PSMD14: variants seen among roughly 807,000 people sequenced by gnomAD.
The protein encoded by PSMD14 is ubiquitin C-terminal hydrolase PSMD14.
Under a neutral mutation model 41.2 loss-of-function variants are expected in PSMD14, and 7 were observed. The observed-to-expected ratio is 0.17, with a 90% CI of 0.10 to 0.32. The LOEUF is 0.32. PSMD14 is among the 10% of genes least tolerant of loss of function. The pLI is 1.00. For missense variants in PSMD14, 139 were observed against 375.6 expected, an observed-to-expected ratio of 0.37 and a Z score of 5.21; for synonymous variants, 114 against 122.3, an observed-to-expected ratio of 0.93 and a Z score of 0.45.
At chr2:161,369,001 A>T (rs1359012421) in intron 5 of PSMD14, among the ~76,000 whole-genome samples, 2 of 151,988 alleles carry the variant, frequency 1.3e-5, no homozygotes, top group Admixed American at 6.6e-5. Flanking sequence ...TATTTATTTT[A>T]TACATTTGGA....
chr2:161,401,143 T>C (rs1683872993), intron 10 of PSMD14, among the ~76,000 whole-genome samples: 1 of 152,252 alleles, frequency 6.6e-6, no homozygotes, highest in Non-Finnish European at 1.5e-5. Context: ...ATAAGTACGG[T>C]ACTGTAAATG....
chr2:161,389,889 G>GTTGTTTTTTTTTGTTTTTTTTT, intron 8 of PSMD14, among the ~76,000 whole-genome samples: 8 of 20,052 alleles, frequency 4.0e-4, no homozygotes, highest in Non-Finnish European at 7.2e-4. Flanking sequence ...CTTTTTTGTT[G>GTTGTTTTTTTTTGTTTTTTTTT]TTTTTTTTTT....
intron 3 of PSMD14, among the ~76,000 whole-genome samples, chr2:161,336,088 C>T (rs925037043): frequency 3.3e-5 from 5 of 152,098 alleles, no homozygotes; most frequent in African/African-American, 9.7e-5. Context: ...AGCTTTGCTT[C>T]GCCCATTTTA....
At chr2:161,341,869 A>AATAT (rs200554069) in intron 3 of PSMD14, among the ~76,000 whole-genome samples, 6 of 137,264 alleles carry the variant, frequency 4.4e-5, no homozygotes, top group Non-Finnish European at 7.8e-5. Context: ...AATTAAAAAA[A>AATAT]ATATATATGT....
At chr2:161,324,087 T>G (rs143166605) in intron 3 of PSMD14, among the ~76,000 whole-genome samples, 1 of 152,328 alleles carries the variant, frequency 6.6e-6, no homozygotes, top group African/African-American at 2.4e-5. Context: ...ATAGTCAATA[T>G]AAGCTTGAAA....
chr2:161,374,576 T>C (rs1243663532), intron 7 of PSMD14, among the ~76,000 whole-genome samples: 3 of 152,024 alleles, frequency 2.0e-5, no homozygotes, highest in African/African-American at 7.2e-5. Context: ...TGAGTTCTGC[T>C]CTAATCAGTG....
intron 10 of PSMD14, among the ~76,000 whole-genome samples, chr2:161,407,122 A>C (rs991917725): frequency 6.6e-6 from 1 of 152,116 alleles, no homozygotes; most frequent in African/African-American, 2.4e-5. Context: ...GTACAAACTT[A>C]TGTGAATTGT....
chr2:161,360,019 A>G lies in PSMD14; in HGVS notation c.49-7459A>G, dbSNP rs72998914. Among the ~76,000 whole-genome samples, 1,456 of 152,282 alleles carry G rather than the reference A, an allele frequency of 9.6e-3. 28 individuals are homozygous for G. The highest frequency in any genetic ancestry group is 0.033 in the African/African-American group (1,357 of 41,542). ...ATTATTTGTGTAGTATGGGATTGGTATCTATCACACATTTGAAAAAAATAA... is the reference window on the plus strand; with the variant it reads ...ATTATTTGTGTAGTATGGGATTGGTGTCTATCACACATTTGAAAAAAATAA... On this transcript the variant is annotated intron_variant, in intron 3 of 11. Transcript: ENST00000409682.
intron 3 of PSMD14, among the ~76,000 whole-genome samples, chr2:161,336,562 A>ATTAT (rs938792533): frequency 1.3e-4 from 20 of 151,972 alleles, no homozygotes; most frequent in South Asian, 2.1e-4. Flanking sequence ...AGTTATATTT[A>ATTAT]TTATTTATTT....
chr2:161,318,923 T>C, intron 3 of PSMD14, 50 bp downstream of exon 3: 1 of 1,450,162 alleles, frequency 6.9e-7, no homozygotes, highest in Non-Finnish European at 9.5e-7. Flanking sequence ...CTACAAGCCT[T>C]TTTGTAGTTA....
intron 3 of PSMD14, among the ~76,000 whole-genome samples, chr2:161,357,148 T>G (rs1683219487): frequency 6.7e-6 from 1 of 148,550 alleles, no homozygotes; most frequent in Non-Finnish European, 1.5e-5. Flanking sequence ...CTGGATCAGA[T>G]TTTAATCTTC....
chr2:161,394,934 C>T lies in PSMD14; in HGVS notation c.646-144C>T, dbSNP rs1683770744. ...AGTTATATTAATACAAATATAGGAG[C>T]ATTCTAATTGGAGTTCATTTGAATT... is the stretch of plus-strand genomic sequence containing the variant. On this transcript the variant is annotated intron_variant, in intron 9 of 11. Coordinates refer to ENST00000409682, the MANE Select transcript of PSMD14 (RefSeq NM_005805.6). 1.2e-5 allele frequency: 8 copies of T among 693,188 alleles called. No individual in the cohort carries two copies. In the South Asian group the frequency reaches 1.5e-4, roughly 13 times the overall value. 42.9% of individuals were successfully genotyped at this position (693,188 alleles called of 1,614,324 possible). A position where few individuals can be genotyped will look rare whatever the true frequency, so the allele number is the denominator to read the frequency against.
At chr2:161,394,206 A>G (rs771772718) in intron 9 of PSMD14, among the ~76,000 whole-genome samples, 2 of 152,010 alleles carry the variant, frequency 1.3e-5, no homozygotes, top group South Asian at 4.2e-4. Context: ...TCCTGACCTC[A>G]ACTGATTCAC....
intron 3 of PSMD14, among the ~76,000 whole-genome samples, chr2:161,344,794 CA>C (rs1683017338): frequency 6.6e-6 from 1 of 152,184 alleles, no homozygotes; most frequent in Non-Finnish European, 1.5e-5. Context: ...TCTGTGGACA[CA>C]AGCCTGCTCA....
intron 3 of PSMD14, among the ~76,000 whole-genome samples, chr2:161,349,454 A>G (rs1683087820): frequency 1.3e-5 from 2 of 152,198 alleles, no homozygotes; most frequent in African/African-American, 4.8e-5. Context: ...AAAGAGATTG[A>G]AGAGTTATTT....
chr2:161,364,753 C>G (rs1200283081), intron 3 of PSMD14, among the ~76,000 whole-genome samples: 1 of 152,098 alleles, frequency 6.6e-6, no homozygotes, highest in Non-Finnish European at 1.5e-5. Flanking sequence ...CCAACCTTCT[C>G]TAGTTCTTGC....
intron 8 of PSMD14, among the ~76,000 whole-genome samples, chr2:161,386,702 A>G (rs556903624): frequency 2.0e-5 from 3 of 151,896 alleles, no homozygotes; most frequent in Non-Finnish European, 4.4e-5. Flanking sequence ...AGCCTTGATA[A>G]TGACCTTTCT....
chr2:161,366,007 TTAAC>T, intron 3 of PSMD14, among the ~76,000 whole-genome samples: 1 of 152,304 alleles, frequency 6.6e-6, no homozygotes, highest in East Asian at 1.9e-4. Context: ...TTAATCTTTC[TTAAC>T]TTTCTAAGTG....
chr2:161,380,104 T>C (rs1683554843), intron 7 of PSMD14, among the ~76,000 whole-genome samples: 1 of 151,990 alleles, frequency 6.6e-6, no homozygotes, highest in African/African-American at 2.4e-5. Context: ...CAGAAACATA[T>C]ATATTATTTT....
Sources: gnomAD v4.1 joint callset for allele counts (sites outside exome capture counted in the v4.1 genomes callset) on GRCh38, gnomAD v4.1.1 for gene constraint, MANE v1.5 for transcripts, NCBI Gene and HGNC (gene_info 2026-07-23, HGNC 2026-07-21) for gene names.